Variants in ZDHHC11B observed in about 807,000 individuals in gnomAD.
ZDHHC11B encodes the protein zDHHC palmitoyltransferase 11B (putative), also known as probable palmitoyltransferase ZDHHC11B.
Under a neutral mutation model 42.3 loss-of-function variants are expected in ZDHHC11B, and 17 were observed. The observed-to-expected ratio is 0.40, with a 90% CI of 0.27 to 0.60. ZDHHC11B has a LOEUF of 0.60. ZDHHC11B is among the 20% of genes least tolerant of loss of function. ZDHHC11B has a pLI of 0.41. For missense variants in ZDHHC11B, 262 were observed against 463.2 expected (o/e 0.57, Z 3.99); for synonymous variants, 123 against 193.5 (o/e 0.64, Z 3.02).
intron 1 of ZDHHC11B, among the ~76,000 whole-genome samples, 68 bp downstream of exon 1, chr5:784,600 G>A (rs957091699): frequency 6.6e-6 from 1 of 152,060 alleles, no homozygotes; most frequent in African/African-American, 2.4e-5. Context: ...TGGGGCTGAC[G>A]GGCCCAGTCT....
chr5:756,130 G>C lies in ZDHHC11B; in HGVS notation c.237C>G (p.Ile79Met). Residue 79 changes from isoleucine (I) to methionine (M), a missense_variant, in exon 5 of 14, where the codon ATC (isoleucine) becomes ATG (methionine). Transcript: ENST00000508859. Reference sequence around the variant, plus strand: ...GGTGGACGACGAGGTGGAACGAGAAGATCCCCCCGGTCACCTGGCATGTCA... The same window carrying C: ...GGTGGACGACGAGGTGGAACGAGAACATCCCCCCGGTCACCTGGCATGTCA... ...KYIAYVVTGG[I>M]FSFHLVVHLI... 7.0e-7 allele frequency: 1 copy of C among 1,418,874 alleles called. No individual in the cohort carries two copies. The highest frequency in any genetic ancestry group is 9.4e-7 in the Non-Finnish European group (1 of 1,066,600). The allele number at this position is 1,418,874 out of a possible 1,614,324, so 87.9% of individuals were successfully genotyped here. A position where few individuals can be genotyped will look rare whatever the true frequency, so the allele number is the denominator to read the frequency against.
rs1407996647 is a variant in ZDHHC11B, at chr5:736,538, G to A, written c.936-2699C>T. 3.4e-5 allele frequency among the ~76,000 whole-genome samples: 5 copies of A among 148,978 alleles called. No homozygotes were observed. The South Asian group carries it at 6.8e-4, about 20-fold the overall frequency. ...TGTACATTCTTTTCATCAGTACATG[G>A]AAAATTCTCCAAGATACATCATATA... On this transcript the variant is annotated intron_variant, in intron 10 of 13. Transcript: ENST00000508859.
chr5:767,311 C>G, intron 3 of ZDHHC11B, 81 bp downstream of exon 3: 8 of 1,471,964 alleles, frequency 5.4e-6, no homozygotes, highest in Non-Finnish European at 7.5e-6. Flanking sequence ...CCCACCCACA[C>G]ACATGTGGGG....
intron 1 of ZDHHC11B, among the ~76,000 whole-genome samples, chr5:775,980 G>A (rs555067306): frequency 3.5e-5 from 5 of 144,536 alleles, no homozygotes; most frequent in African/African-American, 1.3e-4. Flanking sequence ...GGGGTCCCTG[G>A]TCCTCTCTCC....
rs538084022 is a variant in ZDHHC11B at position 751,641 on chromosome 5, G to A, written c.504-384C>T. On this transcript the variant is annotated intron_variant, in intron 6 of 13. Coordinates refer to ENST00000508859, the MANE Select transcript of ZDHHC11B (RefSeq NM_001351303.2). Reference sequence around the variant, plus strand: ...GTGGAGGTGACAGGTCAGCGTGGGCGTCCACTTGAGAGAGGGCTCCTGGCC... The same window carrying A: ...GTGGAGGTGACAGGTCAGCGTGGGCATCCACTTGAGAGAGGGCTCCTGGCC... Among the ~76,000 whole-genome samples, 196 of 127,722 alleles carry A rather than the reference G, an allele frequency of 1.5e-3. 43 individuals are homozygous for A. Among genetic ancestry groups the A allele is most frequent in the Non-Finnish European group, 2.5e-3 (143 of 57,218 alleles). 83.8% of individuals were successfully genotyped at this position (127,722 alleles called of 152,430 possible).
intron 4 of ZDHHC11B, among the ~76,000 whole-genome samples, chr5:758,353 GA>G (rs1734136728): frequency 2.0e-5 from 3 of 151,888 alleles, no homozygotes; most frequent in Admixed American, 1.3e-4. Context: ...TCAGGCTGAG[GA>G]TGCCCTCCCA....
intron 7 of ZDHHC11B, among the ~76,000 whole-genome samples, chr5:748,992 C>T (rs1745234884): frequency 4.7e-5 from 2 of 42,622 alleles, no homozygotes; most frequent in African/African-American, 7.6e-5. Flanking sequence ...ACAGCACCCA[C>T]CCCTTCCTCA....
Position 772,632 on chromosome 5 carries a change from G to A in ZDHHC11B, c.-229-3702C>T, listed in dbSNP as rs528303833. On this transcript the variant is annotated intron_variant, in intron 1 of 13. Transcript: ENST00000508859. ...GTAGTAGATGCAGGAACCCATGGCC[G>A]TCACACGGGAGTGAGTCCACGGGCG... Among the ~76,000 whole-genome samples the A allele has an allele frequency of 5.3e-4, 80 of 151,782 alleles. 1 individual carries two copies. The highest frequency in any genetic ancestry group is 9.6e-4 in the Non-Finnish European group (65 of 67,838).
rs1220300671 is a variant in ZDHHC11B, at chr5:764,057, G to C, written c.222+2641C>G. Among the ~76,000 whole-genome samples, 14 of 152,076 alleles carry C rather than the reference G, an allele frequency of 9.2e-5. 1 individual carries two copies. Among genetic ancestry groups the C allele is most frequent in the African/African-American group, 3.4e-4 (14 of 41,488 alleles). Reference sequence around the variant, plus strand: ...GCCTTGCCCATGGCTGAGGCACTCAGGCTGGCAGGCTGCTGTCCTCATGGC... The same window carrying C: ...GCCTTGCCCATGGCTGAGGCACTCACGCTGGCAGGCTGCTGTCCTCATGGC... On this transcript the variant is annotated intron_variant, in intron 4 of 13. Transcript: ENST00000508859.
chr5:764,154 T>C (rs1343607143), intron 4 of ZDHHC11B, among the ~76,000 whole-genome samples: 1 of 151,908 alleles, frequency 6.6e-6, no homozygotes, highest in Non-Finnish European at 1.5e-5. Context: ...CGCTCACCAT[T>C]TACCAGAGAC....
At chr5:716,179 T>A (rs1463064068) in intron 13 of ZDHHC11B, among the ~76,000 whole-genome samples, 9 of 150,986 alleles carry the variant, frequency 6.0e-5, no homozygotes, top group African/African-American at 2.2e-4. Flanking sequence ...TGAGGGGATA[T>A]AGTAGTGGAG....
At chr5:739,211 C>T (rs368591586) in intron 10 of ZDHHC11B, among the ~76,000 whole-genome samples, 3 of 150,674 alleles carry the variant, frequency 2.0e-5, no homozygotes, top group South Asian at 2.1e-4. Context: ...CCAGCCTGGC[C>T]AACATGGTGA....
intron 12 of ZDHHC11B, among the ~76,000 whole-genome samples, chr5:729,774 A>T (rs1297352388): frequency 6.6e-6 from 1 of 151,962 alleles, no homozygotes; most frequent in African/African-American, 2.4e-5. Context: ...GGAAAGGAAA[A>T]TGCAATAGCA....
chr5:783,655 A>C (rs1299478923), intron 1 of ZDHHC11B, among the ~76,000 whole-genome samples: 1 of 127,232 alleles, frequency 7.9e-6, no homozygotes, highest in African/African-American at 3.1e-5. Context: ...ATAGCCCCCA[A>C]CCCCCATCAA....
At chr5:723,419 C>T (rs1338110175) in intron 12 of ZDHHC11B, among the ~76,000 whole-genome samples, 1 of 126,430 alleles carries the variant, frequency 7.9e-6, no homozygotes, top group African/African-American at 3.0e-5. Flanking sequence ...GGTTTAAAAA[C>T]TTATGAGATT....
rs113221326 is a variant in ZDHHC11B, at chr5:776,151, G to A, written c.-229-7221C>T. ...GCCCTCAATCCTGCCCAGAGTCCCT[G>A]GAGACTGTTGTCATTAAACCCCACT... On this transcript the variant is annotated intron_variant, in intron 1 of 13. Coordinates refer to ENST00000508859, the MANE Select transcript of ZDHHC11B (RefSeq NM_001351303.2). Among the ~76,000 whole-genome samples the A allele has an allele frequency of 9.9e-5, 15 of 151,152 alleles. 1 individual carries two copies. The highest frequency in any genetic ancestry group is 3.7e-4 in the African/African-American group (15 of 41,072).
intron 4 of ZDHHC11B, among the ~76,000 whole-genome samples, chr5:762,881 C>G (rs1200489996): frequency 6.6e-6 from 1 of 151,466 alleles, no homozygotes; most frequent in Admixed American, 6.6e-5. Context: ...TGACTCTTTT[C>G]AAGATCAATA....
At chr5:744,552 G>A (rs1398372776) in intron 9 of ZDHHC11B, among the ~76,000 whole-genome samples, 1 of 148,808 alleles carries the variant, frequency 6.7e-6, no homozygotes, top group African/African-American at 2.5e-5. Context: ...TCACTTAACC[G>A]GAAAGGGAAC....
intron 1 of ZDHHC11B, among the ~76,000 whole-genome samples, chr5:783,779 C>CG (rs1737040769): frequency 7.8e-6 from 1 of 128,404 alleles, no homozygotes; most frequent in African/African-American, 2.9e-5. Context: ...AACAGCAGCC[C>CG]CCAAACCCCA....
Sources: allele counts gnomAD v4.1 joint callset (sites outside exome capture counted in the v4.1 genomes callset), GRCh38; gene constraint gnomAD v4.1.1; transcripts MANE v1.5; gene names NCBI Gene and HGNC (gene_info 2026-07-23, HGNC 2026-07-21).